The following PPP2CA variants were observed in gnomAD, a reference collection of about 807,000 sequenced individuals.
PPP2CA encodes serine/threonine-protein phosphatase 2A catalytic subunit alpha isoform.
Under a neutral mutation model 38.8 loss-of-function variants are expected in PPP2CA, and 5 were observed. That is an observed-to-expected ratio of 0.13 (90% confidence interval 0.07 to 0.27). The LOEUF (loss-of-function observed/expected upper bound fraction) is 0.27, where lower values mean the gene tolerates loss of function less well. PPP2CA is among the 10% of genes least tolerant of loss of function. The probability of loss-of-function intolerance (pLI) is 1.00; values close to 1 mark genes in which losing one functional copy is unlikely to be tolerated. For missense variants in PPP2CA, 88 were observed against 389.7 expected, an observed-to-expected ratio of 0.23 and a Z score of 6.52; for synonymous variants, 152 against 134.0, an observed-to-expected ratio of 1.13 and a Z score of -0.93.
At chr5:134,215,419 A>G (rs551531996) in intron 1 of PPP2CA, among the ~76,000 whole-genome samples, 45 of 152,122 alleles carry the variant, frequency 3.0e-4, no homozygotes, top group Non-Finnish European at 6.0e-4. Flanking sequence ...AAAAAAAAAT[A>G]CAAAAATATT....
At chr5:134,221,697 C>T (rs1762446765) in intron 1 of PPP2CA, among the ~76,000 whole-genome samples, 2 of 152,000 alleles carry the variant, frequency 1.3e-5, no homozygotes, top group South Asian at 2.1e-4. Context: ...TGGCCAGGCG[C>T]GCTGGCTCAA....
In PPP2CA at chr5:134,196,063, T is replaced by A. The variant is rs994560218; in HGVS notation, c.*1709A>T. On this transcript the variant is annotated 3_prime_UTR_variant, in exon 7 of 7. Coordinates refer to ENST00000481195, the MANE Select transcript of PPP2CA (RefSeq NM_002715.4). ...GCAACAAAAAGACACACAGAGAATG[T>A]ATTTCTTGTGAAAGAAAAGAATGAA... 4 of 152,190 alleles carry A rather than the reference T, an allele frequency of 2.6e-5. No homozygotes were observed. Among genetic ancestry groups the A allele is most frequent in the Admixed American group, 6.5e-5 (1 of 15,268 alleles). 9.4% of individuals were successfully genotyped at this position (152,190 alleles called of 1,614,324 possible).
At chr5:134,211,314 T>C (rs535325251) in intron 1 of PPP2CA, among the ~76,000 whole-genome samples, 2 of 152,224 alleles carry the variant, frequency 1.3e-5, no homozygotes, top group Admixed American at 6.5e-5. Flanking sequence ...CACAACCTTA[T>C]TTCCAACCCA....
At chr5:134,201,618 C>T (rs1257338077) in intron 3 of PPP2CA, among the ~76,000 whole-genome samples, 2 of 152,210 alleles carry the variant, frequency 1.3e-5, no homozygotes, top group Non-Finnish European at 2.9e-5. Flanking sequence ...ACATCACCCA[C>T]CCCTGTGATC....
At position 134,197,522 on chromosome 5, in the gene PPP2CA, C is replaced by T. The variant is rs1761879685; in HGVS notation, c.*250G>A. 1 of 495,898 alleles carries T rather than the reference C, an allele frequency of 2.0e-6. No individual in the cohort carries two copies. Among genetic ancestry groups the T allele is most frequent in the Non-Finnish European group, 3.6e-6 (1 of 274,276 alleles). The allele number at this position is 495,898 out of a possible 1,614,324, so 30.7% of individuals were successfully genotyped here. On this transcript the variant is annotated 3_prime_UTR_variant, in exon 7 of 7. Coordinates refer to ENST00000481195, the MANE Select transcript of PPP2CA (RefSeq NM_002715.4). ...AAAGCAAAAGTAACTACAAATAGCG[C>T]TATGCCAGAAACTGGTTTCTTGACC...
intron 6 of PPP2CA, among the ~76,000 whole-genome samples, chr5:134,198,206 C>A (rs976338503): frequency 1.3e-5 from 2 of 151,798 alleles, no homozygotes; most frequent in African/African-American, 4.8e-5. Context: ...CTGGCTACCA[C>A]GGTGAAACCC....
rs535411611 is a variant in PPP2CA, at chr5:134,197,067, G to A, written c.*705C>T. ...ATAAACAGCACCAGTCTTGCCCATT[G>A]ATACAATTAAAATTTGACCTTCTCA... On this transcript the variant is annotated 3_prime_UTR_variant, in exon 7 of 7. Transcript: ENST00000481195. The A allele has an allele frequency of 5.9e-5, 9 of 152,526 alleles. No individual in the cohort carries two copies. The highest frequency in any genetic ancestry group is 1.0e-4 in the Non-Finnish European group (7 of 68,020). The allele number at this position is 152,526 out of a possible 1,614,324, so 9.4% of individuals were successfully genotyped here.
intron 1 of PPP2CA, among the ~76,000 whole-genome samples, chr5:134,215,462 C>A (rs953931450): frequency 1.3e-5 from 2 of 152,128 alleles, no homozygotes; most frequent in African/African-American, 4.8e-5. Flanking sequence ...GTGGTCCCAG[C>A]TACTCAGGAG....
Position 134,226,003 on chromosome 5 carries a change from C to T in PPP2CA, c.-142G>A, listed in dbSNP as rs1762574299. On this transcript the variant is annotated 5_prime_UTR_variant, in exon 1 of 7. The change creates a new upstream start codon in the 5' untranslated region. Coordinates refer to ENST00000481195, the MANE Select transcript of PPP2CA (RefSeq NM_002715.4). The stretch of plus-strand genomic sequence containing the variant: ...GCTGGCGCTGGCCCGCTGGCTCTCA[C>T]CGCAGTACTCGGCCGTCGGCCGCTG... 1 of 674,930 alleles carries T rather than the reference C, an allele frequency of 1.5e-6. No individual in the cohort carries two copies. Among genetic ancestry groups the T allele is most frequent in the Non-Finnish European group, 2.4e-6 (1 of 414,634 alleles). The allele number at this position is 674,930 out of a possible 1,614,324, so 41.8% of individuals were successfully genotyped here. A position where few individuals can be genotyped will look rare whatever the true frequency, so the allele number is the denominator to read the frequency against.
chr5:134,209,122 A>T (rs1762146149), intron 1 of PPP2CA, among the ~76,000 whole-genome samples: 2 of 152,188 alleles, frequency 1.3e-5, no homozygotes, highest in South Asian at 4.1e-4. Context: ...AAGAACAGTT[A>T]ACTCTTAAGT....
chr5:134,220,228 A>G (rs1351245475), intron 1 of PPP2CA, among the ~76,000 whole-genome samples: 2 of 151,202 alleles, frequency 1.3e-5, no homozygotes, highest in Admixed American at 1.3e-4. Context: ...GGAGGCTGAG[A>G]TGGGTGGATC....
intron 1 of PPP2CA, among the ~76,000 whole-genome samples, chr5:134,225,158 TA>T (rs1762539823): frequency 6.6e-6 from 1 of 152,232 alleles, no homozygotes; most frequent in African/African-American, 2.4e-5. Context: ...ATGACCTTCG[TA>T]AAAATTAGGT....
chr5:134,225,509 G>A (rs1218487985), intron 1 of PPP2CA: 5 of 429,760 alleles, frequency 1.2e-5, no homozygotes, highest in South Asian at 9.2e-5. Flanking sequence ...TGGCGCCAAG[G>A]CCGGCTGACT....
intron 2 of PPP2CA, among the ~76,000 whole-genome samples, chr5:134,204,788 T>G (rs1230645772): frequency 1.3e-5 from 2 of 152,178 alleles, no homozygotes; most frequent in Admixed American, 6.5e-5. Flanking sequence ...CTGTCATGGT[T>G]AATGGCTGGA....
chr5:134,205,816 G>A (rs922353350), intron 2 of PPP2CA, 106 bp downstream of exon 2: 2 of 972,868 alleles, frequency 2.1e-6, no homozygotes, highest in Non-Finnish European at 1.5e-6. Flanking sequence ...CCTAAATGTG[G>A]AATTTTGTTT....
At chr5:134,206,217 T>C (rs752111377) in intron 1 of PPP2CA, 86 bp from the exon 2 acceptor site, 14 of 1,148,746 alleles carry the variant, frequency 1.2e-5, no homozygotes, top group Middle Eastern at 2.0e-4. Context: ...TAATGTAGCT[T>C]AAGGGGCAGA....
Position 134,225,787 on chromosome 5 carries a change from C to T in PPP2CA, c.75G>A (p.Glu25=). The T allele has an allele frequency of 1.2e-6, 2 of 1,610,584 alleles. No individual in the cohort carries two copies. The highest frequency in any genetic ancestry group is 1.7e-6 in the Non-Finnish European group (2 of 1,179,124). Residue 25 remains glutamate (E), a synonymous_variant, in exon 1 of 7, where the codon GAG becomes GAA. Coordinates refer to ENST00000481195, the MANE Select transcript of PPP2CA (RefSeq NM_002715.4). ...TCTCGCAGAGGCTCTTGACCTGGGACTCGGACAGCTGCTTGCACTCGTTCA... is the reference window on the plus strand; with the variant it reads ...TCTCGCAGAGGCTCTTGACCTGGGATTCGGACAGCTGCTTGCACTCGTTCA... ...EQLNECKQLS[E]SQVKSLCEKA...
chr5:134,201,353 C>G (rs915318309), intron 3 of PPP2CA, among the ~76,000 whole-genome samples: 1 of 152,224 alleles, frequency 6.6e-6, no homozygotes, highest in Non-Finnish European at 1.5e-5. Context: ...CATCTTTGCT[C>G]CAGCCCACTC....
At chr5:134,212,179 C>T (rs1762218692) in intron 1 of PPP2CA, among the ~76,000 whole-genome samples, 1 of 152,320 alleles carries the variant, frequency 6.6e-6, no homozygotes, top group Middle Eastern at 3.4e-3. Context: ...TACTGTGCTT[C>T]TCTTTATTGC....
Sources: allele counts gnomAD v4.1 joint callset (sites outside exome capture counted in the v4.1 genomes callset), GRCh38; gene constraint gnomAD v4.1.1; transcripts MANE v1.5; gene names NCBI Gene and HGNC (gene_info 2026-07-23, HGNC 2026-07-21).